The following L3MBTL4 variants were observed in gnomAD, a reference collection of about 807,000 sequenced individuals.
L3MBTL4 encodes the protein L3MBTL histone methyl-lysine binding protein 4.
A neutral mutation model predicts 84.5 loss-of-function variants in L3MBTL4; 70 were observed. The ratio of observed to expected loss-of-function variants is 0.83; its 90% CI spans 0.68 to 1.01. The LOEUF (loss-of-function observed/expected upper bound fraction) is 1.01. Among genes scored for constraint, L3MBTL4 ranks in the 50% least tolerant of loss-of-function variants. The probability of loss-of-function intolerance (pLI) is 0.00; values close to 1 mark genes in which losing one functional copy is unlikely to be tolerated. For synonymous variants in L3MBTL4, 274 were observed against 259.8 expected, an observed-to-expected ratio of 1.05 and a Z score of -0.52; for missense variants, 715 against 754.8, an observed-to-expected ratio of 0.95 and a Z score of 0.62.
chr18:5,973,138 C>T (rs1370544671), intron 16 of L3MBTL4, among the ~76,000 whole-genome samples: 2 of 152,168 alleles, frequency 1.3e-5, no homozygotes, highest in East Asian at 3.9e-4. Context: ...ACTTCCAAAG[C>T]CAGTGTGGCT....
chr18:6,008,091 T>C (rs564407151), intron 16 of L3MBTL4, among the ~76,000 whole-genome samples: 1 of 152,330 alleles, frequency 6.6e-6, no homozygotes, highest in African/African-American at 2.4e-5. Context: ...TGGTTTCTTT[T>C]GTTATCTCAT....
intron 16 of L3MBTL4, among the ~76,000 whole-genome samples, chr18:6,036,074 GCTTAAGGATCC>G (rs2056124328): frequency 6.6e-6 from 1 of 152,126 alleles, no homozygotes; most frequent in Admixed American, 6.5e-5. Flanking sequence ...TTGAGGATAA[GCTTAAGGATCC>G]CTTGTATGTG....
At chr18:6,235,059 A>G (rs146053024) in intron 10 of L3MBTL4, among the ~76,000 whole-genome samples, 4 of 152,326 alleles carry the variant, frequency 2.6e-5, no homozygotes, top group Admixed American at 6.5e-5. Flanking sequence ...TGAGCAAACT[A>G]TCCCAAGGAC....
intron 10 of L3MBTL4, among the ~76,000 whole-genome samples, chr18:6,221,078 A>AT (rs1036231547): frequency 6.6e-6 from 1 of 151,516 alleles, no homozygotes; most frequent in African/African-American, 2.4e-5. Flanking sequence ...CTGGTTTCAG[A>AT]TTTTTTTTTA....
chr18:6,094,940 T>C (rs2058581373), intron 14 of L3MBTL4, among the ~76,000 whole-genome samples: 1 of 152,176 alleles, frequency 6.6e-6, no homozygotes, highest in Non-Finnish European at 1.5e-5. Context: ...GTTCTGTAAT[T>C]TGTAATAATC....
intron 4 of L3MBTL4, among the ~76,000 whole-genome samples, chr18:6,286,082 G>C (rs563751717): frequency 2.6e-5 from 4 of 151,488 alleles, no homozygotes; most frequent in Admixed American, 2.6e-4. Context: ...CGCCCGCCTC[G>C]GCCTCCCAAA....
At chr18:6,328,557 C>T (rs2051847511) in intron 1 of L3MBTL4, among the ~76,000 whole-genome samples, 1 of 152,192 alleles carries the variant, frequency 6.6e-6, no homozygotes, top group Non-Finnish European at 1.5e-5. Flanking sequence ...GCCAAAATGA[C>T]ATACAACATT....
Position 6,187,006 on chromosome 18 carries a change from C to T in L3MBTL4, c.982-15064G>A, listed in dbSNP as rs895268826. Reference sequence around the variant, plus strand: ...GATGCTAAGGCCTCAAACATGGAGACGGGGCAGGTGGAGGGACAGGACGAT... The same window carrying T: ...GATGCTAAGGCCTCAAACATGGAGATGGGGCAGGTGGAGGGACAGGACGAT... On this transcript the variant is annotated intron_variant, in intron 12 of 18. Transcript: ENST00000317931. Among the ~76,000 whole-genome samples the T allele has an allele frequency of 3.9e-5, 6 of 151,904 alleles. No individual in the cohort carries two copies. The East Asian group carries it at 5.8e-4, about 15-fold the overall frequency.
chr18:6,293,311 G>C (rs983677134), intron 4 of L3MBTL4, among the ~76,000 whole-genome samples: 1 of 152,054 alleles, frequency 6.6e-6, no homozygotes, highest in Non-Finnish European at 1.5e-5. Context: ...CTGATTCAAC[G>C]TCTGGGGCAA....
intron 15 of L3MBTL4, among the ~76,000 whole-genome samples, chr18:6,086,338 C>T (rs1041251236): frequency 6.6e-6 from 1 of 152,128 alleles, no homozygotes; most frequent in Admixed American, 6.5e-5. Context: ...TCACTGAAAG[C>T]CTGAGCCAAG....
intron 14 of L3MBTL4, among the ~76,000 whole-genome samples, chr18:6,135,492 C>G (rs1159847508): frequency 6.6e-6 from 1 of 152,110 alleles, no homozygotes; most frequent in African/African-American, 2.4e-5. Flanking sequence ...TAACAGCACC[C>G]AAGTCAACTT....
chr18:6,190,290 T>A (rs2045010317), intron 12 of L3MBTL4, among the ~76,000 whole-genome samples: 1 of 152,220 alleles, frequency 6.6e-6, no homozygotes, highest in Non-Finnish European at 1.5e-5. Context: ...GGCTGTAGTG[T>A]TGGCTGACGA....
rs554131809 is a variant in L3MBTL4 at position 6,342,802 on chromosome 18, T to A, written c.-90-30746A>T. Among the ~76,000 whole-genome samples, 94 of 151,934 alleles carry A rather than the reference T, an allele frequency of 6.2e-4. 1 individual carries two copies. Among genetic ancestry groups the A allele is most frequent in the African/African-American group, 1.8e-3 (73 of 41,428 alleles). The stretch of plus-strand genomic sequence containing the variant: ...AAACAAAGAGCAACTGAATTTTTTT[T>A]AAAAAAAGATCCAACTATGAGCTGT... On this transcript the variant is annotated intron_variant, in intron 1 of 18. Coordinates refer to ENST00000317931, the MANE Select transcript of L3MBTL4 (RefSeq NM_001330559.2).
intron 4 of L3MBTL4, 137 bp downstream of exon 4, chr18:6,301,766 G>T (rs2050348584): frequency 4.1e-6 from 3 of 723,156 alleles, no homozygotes; most frequent in Non-Finnish European, 7.4e-6. Flanking sequence ...AGAAGAGTAT[G>T]CAATACCCTG....
rs1232833427 is a variant in L3MBTL4, at chr18:6,120,762, T to A, written c.1199+17432A>T. Among the ~76,000 whole-genome samples the A allele has an allele frequency of 3.9e-5, 6 of 152,184 alleles. No individual in the cohort carries two copies. In the East Asian group the frequency reaches 7.7e-4, roughly 20 times the overall value. On this transcript the variant is annotated intron_variant, in intron 14 of 18. Coordinates refer to ENST00000317931, the MANE Select transcript of L3MBTL4 (RefSeq NM_001330559.2). ...TGGTGTTTGGCTTCTTTCAATGAGC[T>A]TTACACCTGTGAGCTTCATCCAGGT...
chr18:6,025,520 ACT>A (rs1221279113), intron 16 of L3MBTL4, among the ~76,000 whole-genome samples: 1 of 152,000 alleles, frequency 6.6e-6, no homozygotes, highest in Non-Finnish European at 1.5e-5. Flanking sequence ...AAAAACATTC[ACT>A]CTGTTTAACT....
At chr18:5,967,917 G>A (rs1822455421) in intron 17 of L3MBTL4, among the ~76,000 whole-genome samples, 1 of 152,236 alleles carries the variant, frequency 6.6e-6, no homozygotes, top group African/African-American at 2.4e-5. Flanking sequence ...TTGTAAGCTG[G>A]GCAGAGACAT....
intron 18 of L3MBTL4, among the ~76,000 whole-genome samples, chr18:5,956,877 A>G (rs905699357): frequency 2.3e-4 from 35 of 151,510 alleles, no homozygotes; most frequent in Non-Finnish European, 4.3e-4. Flanking sequence ...GTCACCCAAA[A>G]TCAACTCTCT....
intron 16 of L3MBTL4, among the ~76,000 whole-genome samples, chr18:6,044,475 C>G (rs1423378391): frequency 6.6e-6 from 1 of 152,132 alleles, no homozygotes; most frequent in East Asian, 1.9e-4. Context: ...GTTGGAGACT[C>G]CAGCCTCTGC....
Sources: gnomAD v4.1 joint callset for allele counts (sites outside exome capture counted in the v4.1 genomes callset) on GRCh38, gnomAD v4.1.1 for gene constraint, MANE v1.5 for transcripts, NCBI Gene and HGNC (gene_info 2026-07-23, HGNC 2026-07-21) for gene names.